DCC: variants seen among roughly 807,000 people sequenced by gnomAD.
DCC encodes DCC netrin 1 receptor.
DCC carries 58 observed loss-of-function variants against 172.5 expected under a neutral mutation model. That is an observed-to-expected ratio of 0.34 (90% CI 0.27 to 0.42). The LOEUF is 0.42. DCC is among the 10% of genes least tolerant of loss of function. DCC has a pLI of 1.00. For synonymous variants in DCC, 709 were observed against 644.5 expected (o/e 1.10, Z -1.52); for missense variants, 1,740 against 1,791.0 (o/e 0.97, Z 0.51).
chr18:52,839,512 A>G (rs1241819108), intron 2 of DCC, among the ~76,000 whole-genome samples: 1 of 152,192 alleles, frequency 6.6e-6, no homozygotes, highest in Non-Finnish European at 1.5e-5. Flanking sequence ...GACTAGGCAG[A>G]TTGATGAGTG....
At chr18:52,819,657 T>C (rs1034384999) in intron 2 of DCC, among the ~76,000 whole-genome samples, 1 of 152,186 alleles carries the variant, frequency 6.6e-6, no homozygotes, top group African/African-American at 2.4e-5. Context: ...TGTGTTGTCT[T>C]ATTTAGTATG....
rs530973856 is a variant in DCC at position 52,670,924 on chromosome 18, C to A, written c.92-81130C>A. Among the ~76,000 whole-genome samples the A allele has an allele frequency of 3.9e-5, 6 of 152,234 alleles. No homozygotes were observed. In the South Asian group the frequency reaches 1.2e-3, roughly 32 times the overall value. On this transcript the variant is annotated intron_variant, in intron 1 of 28. Coordinates refer to ENST00000442544, the MANE Select transcript of DCC (RefSeq NM_005215.4). ...AACATTATGCTAAAGGGCAACTATT[C>A]TATTTTGACTCTCTATGTAAAATAC...
chr18:53,095,902 A>G (rs1015971491), intron 7 of DCC, among the ~76,000 whole-genome samples: 1 of 151,244 alleles, frequency 6.6e-6, no homozygotes, highest in East Asian at 2.0e-4. Context: ...CTATTCCTCA[A>G]AGGTATAAAT....
At chr18:53,037,862 T>G (rs951151488) in intron 5 of DCC, among the ~76,000 whole-genome samples, 1 of 151,842 alleles carries the variant, frequency 6.6e-6, no homozygotes, top group African/African-American at 2.4e-5. Context: ...AAATATTGAA[T>G]GAGATAAAAT....
intron 27 of DCC, among the ~76,000 whole-genome samples, chr18:53,500,751 C>A (rs889841605): frequency 6.6e-6 from 1 of 151,784 alleles, no homozygotes; most frequent in Non-Finnish European, 1.5e-5. Context: ...GACGCACGTT[C>A]CACTATGGAG....
At chr18:53,526,873 G>GCCCCAGGCCA (rs1283133823) in intron 28 of DCC, 114 bp downstream of exon 28, 12 of 222,180 alleles carry the variant, frequency 5.4e-5, no homozygotes. Flanking sequence ...CCAGGCCATT[G>GCCCCAGGCCA]TTGTTCTTAT....
intron 5 of DCC, among the ~76,000 whole-genome samples, chr18:53,025,630 G>A (rs2041944914): frequency 1.3e-5 from 2 of 151,956 alleles, no homozygotes; most frequent in Non-Finnish European, 2.9e-5. Flanking sequence ...CTGATTTTAT[G>A]ATGTTTTACC....
intron 1 of DCC, among the ~76,000 whole-genome samples, chr18:52,721,104 G>A (rs539691079): frequency 6.6e-6 from 1 of 152,286 alleles, no homozygotes; most frequent in East Asian, 1.9e-4. Context: ...GGGTTTGAGA[G>A]GTGGGCTGGG....
rs1218437935 is a variant in DCC, at chr18:52,924,315, A to T, written c.848+458A>T. On this transcript the variant is annotated intron_variant, in intron 4 of 28. Transcript: ENST00000442544. ...ACATTACAGTCTACACTGTTATTAT[A>T]TGCAATTTTTGTCAACTGTACTTCA... Among the ~76,000 whole-genome samples the T allele has an allele frequency of 4.6e-5, 7 of 152,252 alleles. No individual in the cohort carries two copies. The East Asian group carries it at 7.7e-4, about 17-fold the overall frequency.
intron 1 of DCC, among the ~76,000 whole-genome samples, chr18:52,602,122 A>G (rs1000623182): frequency 9.9e-5 from 15 of 152,088 alleles, no homozygotes; most frequent in African/African-American, 3.4e-4. Flanking sequence ...GAAAATAGTC[A>G]CATATTTATA....
rs551779521 is a variant in DCC at position 52,822,860 on chromosome 18, T to C, written c.412+70486T>C. 2.6e-5 allele frequency among the ~76,000 whole-genome samples: 4 copies of C among 152,322 alleles called. No individual in the cohort carries two copies. The South Asian group carries it at 6.2e-4, about 24-fold the overall frequency. On this transcript the variant is annotated intron_variant, in intron 2 of 28. Coordinates refer to ENST00000442544, the MANE Select transcript of DCC (RefSeq NM_005215.4). ...TGACATATTTTTATAGATGCCTAAG[T>C]GTAGGATTTGTTTTAGCATTAATGG... is the stretch of plus-strand genomic sequence containing the variant.
chr18:53,354,043 G>C (rs962420378), intron 15 of DCC, among the ~76,000 whole-genome samples: 9 of 152,146 alleles, frequency 5.9e-5, no homozygotes, highest in Non-Finnish European at 1.0e-4. Context: ...ATAGTTTGCT[G>C]AGAATGATGG....
intron 1 of DCC, among the ~76,000 whole-genome samples, chr18:52,738,691 T>C (rs1392442329): frequency 6.6e-6 from 1 of 150,930 alleles, no homozygotes; most frequent in Non-Finnish European, 1.5e-5. Flanking sequence ...CACCTTAGCT[T>C]ACTGTAACTT....
chr18:53,503,574 A>ATTGCATTATAGATC (rs2046131294), intron 27 of DCC, among the ~76,000 whole-genome samples: 1 of 152,200 alleles, frequency 6.6e-6, no homozygotes, highest in South Asian at 2.1e-4. Context: ...TATTGGGCTT[A>ATTGCATTATAGATC]TTGCATTATA....
chr18:52,768,489 G>A (rs929301691), intron 2 of DCC, among the ~76,000 whole-genome samples: 10 of 152,136 alleles, frequency 6.6e-5, no homozygotes, highest in Non-Finnish European at 1.0e-4. Context: ...CTGCTATGCT[G>A]CCCTCAACAT....
intron 12 of DCC, among the ~76,000 whole-genome samples, chr18:53,301,373 G>A (rs1290741775): frequency 6.6e-6 from 1 of 151,982 alleles, no homozygotes; most frequent in African/African-American, 2.4e-5. Context: ...ACAGGTGTGA[G>A]CCACTGCACC....
intron 12 of DCC, among the ~76,000 whole-genome samples, chr18:53,238,171 A>C (rs2056232926): frequency 6.6e-6 from 1 of 152,232 alleles, no homozygotes; most frequent in South Asian, 2.1e-4. Flanking sequence ...CTTATGACAC[A>C]CAGAAATGCA....
chr18:53,006,131 T>A (rs1599021137), intron 5 of DCC, among the ~76,000 whole-genome samples: 1 of 152,226 alleles, frequency 6.6e-6, no homozygotes, highest in African/African-American at 2.4e-5. Context: ...CTCATTTTCT[T>A]TATGTTAATA....
chr18:52,518,195 G>A (rs1239982822), intron 1 of DCC, among the ~76,000 whole-genome samples: 1 of 152,184 alleles, frequency 6.6e-6, no homozygotes, highest in African/African-American at 2.4e-5. Context: ...CATCTATAGA[G>A]TTTGAGTCCA....
Sources: gnomAD v4.1 joint callset for allele counts (sites outside exome capture counted in the v4.1 genomes callset) on GRCh38, gnomAD v4.1.1 for gene constraint, MANE v1.5 for transcripts, NCBI Gene and HGNC (gene_info 2026-07-23, HGNC 2026-07-21) for gene names.